SPOCK1: variants seen among roughly 807,000 people sequenced by gnomAD.
SPOCK1 encodes testican-1.
Under a neutral mutation model 55.3 loss-of-function variants are expected in SPOCK1, and 23 were observed. The ratio of observed to expected loss-of-function variants is 0.42; its 90% CI spans 0.30 to 0.59. SPOCK1 has a LOEUF of 0.59. Among genes scored for constraint, SPOCK1 ranks in the 20% least tolerant of loss-of-function variants. The probability of loss-of-function intolerance (pLI) is 0.22; values close to 1 mark genes in which losing one functional copy is unlikely to be tolerated. For synonymous variants in SPOCK1, 226 were observed against 221.0 expected, an observed-to-expected ratio of 1.02 and a Z score of -0.20; for missense variants, 499 against 552.5, an observed-to-expected ratio of 0.90 and a Z score of 0.97.
intron 9 of SPOCK1, among the ~76,000 whole-genome samples, chr5:136,982,053 G>T (rs1750742439): frequency 6.6e-6 from 1 of 152,132 alleles, no homozygotes; most frequent in East Asian, 1.9e-4. Context: ...ACGATAAAAT[G>T]GTGTACAGGT....
chr5:137,411,824 CTT>C (rs1442639021), intron 2 of SPOCK1, among the ~76,000 whole-genome samples: 1 of 152,214 alleles, frequency 6.6e-6, no homozygotes, highest in East Asian at 1.9e-4. Context: ...AAATACCAAA[CTT>C]TCACTTCATC....
At chr5:137,358,562 G>A (rs1250774182) in intron 2 of SPOCK1, among the ~76,000 whole-genome samples, 1 of 150,706 alleles carries the variant, frequency 6.6e-6, no homozygotes, top group Non-Finnish European at 1.5e-5. Flanking sequence ...GAGGGGAAGG[G>A]GAAGAGGAAG....
intron 3 of SPOCK1, among the ~76,000 whole-genome samples, chr5:137,262,420 T>C (rs1051636281): frequency 3.9e-5 from 6 of 152,348 alleles, no homozygotes; most frequent in African/African-American, 1.2e-4. Context: ...AAAACTGACC[T>C]GTCACCTGTA....
chr5:137,430,027 C>T (rs1378565627), intron 2 of SPOCK1, among the ~76,000 whole-genome samples: 1 of 152,192 alleles, frequency 6.6e-6, no homozygotes, highest in Non-Finnish European at 1.5e-5. Flanking sequence ...ATAGCAAGTA[C>T]TTGGGAAGGC....
At chr5:137,246,574 G>C (rs1005285809) in intron 3 of SPOCK1, among the ~76,000 whole-genome samples, 3 of 152,096 alleles carry the variant, frequency 2.0e-5, no homozygotes, top group African/African-American at 7.2e-5. Flanking sequence ...ACATTTCACT[G>C]CTTCTCATAT....
At chr5:137,208,848 CT>C (rs1400782618) in intron 3 of SPOCK1, among the ~76,000 whole-genome samples, 2 of 151,792 alleles carry the variant, frequency 1.3e-5, no homozygotes, top group African/African-American at 4.8e-5. Context: ...CATGTACCCC[CT>C]GAATCTAAAA....
At chr5:137,378,054 C>A (rs1580893688) in intron 2 of SPOCK1, among the ~76,000 whole-genome samples, 1 of 148,156 alleles carries the variant, frequency 6.7e-6, no homozygotes, top group African/African-American at 2.5e-5. Flanking sequence ...AAGTGATTCT[C>A]CTGCCTCAGT....
At chr5:137,137,277 C>T (rs926923870) in intron 4 of SPOCK1, among the ~76,000 whole-genome samples, 2 of 152,092 alleles carry the variant, frequency 1.3e-5, no homozygotes, top group African/African-American at 2.4e-5. Flanking sequence ...GGCAAGAGTG[C>T]CTACAGATGT....
intron 2 of SPOCK1, among the ~76,000 whole-genome samples, chr5:137,465,217 T>G (rs1278381384): frequency 6.6e-6 from 1 of 152,116 alleles, no homozygotes; most frequent in East Asian, 1.9e-4. Context: ...CAAATTTAGG[T>G]TGTTGAAGAG....
intron 2 of SPOCK1, among the ~76,000 whole-genome samples, chr5:137,456,933 G>A (rs1201198123): frequency 2.6e-5 from 4 of 152,162 alleles, no homozygotes; most frequent in Non-Finnish European, 5.9e-5. Flanking sequence ...CTGCTAGTGG[G>A]TATATTAACC....
intron 4 of SPOCK1, among the ~76,000 whole-genome samples, chr5:137,132,783 C>CT (rs951883052): frequency 2.6e-5 from 4 of 152,140 alleles, no homozygotes; most frequent in Non-Finnish European, 4.4e-5. Context: ...TCTGGAAGCG[C>CT]TTTTTTTGTT....
rs183915135 is a variant in SPOCK1, at chr5:137,175,022, C to A, written c.233-34328G>T. Among the ~76,000 whole-genome samples, 349 of 152,324 alleles carry A rather than the reference C, an allele frequency of 2.3e-3. 2 individuals are homozygous for A. Among genetic ancestry groups the A allele is most frequent in the African/African-American group, 7.8e-3 (324 of 41,576 alleles). ...ACCACCACACATCTTTGCAGAACCA[C>A]TCTCACTCATTCTGTAAAAATCTAC... On this transcript the variant is annotated intron_variant, in intron 3 of 10. Coordinates refer to ENST00000394945, the MANE Select transcript of SPOCK1 (RefSeq NM_004598.4).
At chr5:137,149,036 G>T (rs1210568458) in intron 3 of SPOCK1, among the ~76,000 whole-genome samples, 1 of 152,170 alleles carries the variant, frequency 6.6e-6, no homozygotes, top group Non-Finnish European at 1.5e-5. Context: ...CCAAATTGCT[G>T]GCTATCTTAA....
At chr5:137,151,474 G>A (rs890816395) in intron 3 of SPOCK1, among the ~76,000 whole-genome samples, 31 of 152,324 alleles carry the variant, frequency 2.0e-4, no homozygotes, top group African/African-American at 7.5e-4. Context: ...AGTTTGAGCA[G>A]TGCTGAAAGT....
intron 2 of SPOCK1, among the ~76,000 whole-genome samples, chr5:137,367,426 G>A (rs561549747): frequency 6.6e-6 from 1 of 152,302 alleles, no homozygotes; most frequent in East Asian, 1.9e-4. Flanking sequence ...AGTATTTCTA[G>A]AGCAGCTCCA....
chr5:137,021,211 T>A (rs1046627816), intron 6 of SPOCK1, among the ~76,000 whole-genome samples: 1 of 152,186 alleles, frequency 6.6e-6, no homozygotes, highest in African/African-American at 2.4e-5. Context: ...CAAATGTGAT[T>A]GAAATTTAGC....
intron 2 of SPOCK1, among the ~76,000 whole-genome samples, chr5:137,449,811 C>T (rs938334920): frequency 6.8e-5 from 9 of 132,296 alleles, no homozygotes; most frequent in Non-Finnish European, 1.2e-4. Context: ...AGGAGGATCA[C>T]TTGAGCCCAG....
intron 3 of SPOCK1, among the ~76,000 whole-genome samples, chr5:137,141,054 C>G (rs115402371): frequency 5.3e-5 from 8 of 152,114 alleles, no homozygotes; most frequent in African/African-American, 1.7e-4. Flanking sequence ...GCCACTGCAC[C>G]GGGCCTTAAT....
chr5:137,286,468 T>C (rs1038004497), intron 2 of SPOCK1, among the ~76,000 whole-genome samples: 2 of 152,114 alleles, frequency 1.3e-5, no homozygotes, highest in Non-Finnish European at 2.9e-5. Flanking sequence ...TGAAATCCCA[T>C]CTGCACTGCA....
Sources: gnomAD v4.1 joint callset for allele counts (sites outside exome capture counted in the v4.1 genomes callset) on GRCh38, gnomAD v4.1.1 for gene constraint, MANE v1.5 for transcripts, NCBI Gene and HGNC (gene_info 2026-07-23, HGNC 2026-07-21) for gene names.